FRYL: variants seen among roughly 807,000 people sequenced by gnomAD.
FRYL encodes FRY like transcription coactivator.
FRYL carries 150 observed loss-of-function variants against 351.2 expected under a neutral mutation model. The ratio of observed to expected loss-of-function variants is 0.43; its 90% confidence interval spans 0.37 to 0.49. The LOEUF (loss-of-function observed/expected upper bound fraction) is 0.49. Among genes scored for constraint, FRYL ranks in the 20% least tolerant of loss-of-function variants. The pLI, the probability that FRYL is intolerant of heterozygous loss-of-function variation, is 0.00. For missense variants in FRYL, 3,036 were observed against 3,619.3 expected (o/e 0.84, Z 4.13); for synonymous variants, 1,153 against 1,257.1 (o/e 0.92, Z 1.75).
At chr4:48,764,676 G>A (rs1490700482) in intron 1 of FRYL, among the ~76,000 whole-genome samples, 1 of 152,190 alleles carries the variant, frequency 6.6e-6, no homozygotes, top group Non-Finnish European at 1.5e-5. Flanking sequence ...AAGGGATAGA[G>A]CTGTATGTGA....
rs1718722141 is a variant in FRYL at position 48,497,656 on chromosome 4, G to GTATC, written c.*1762_*1765dup. ...AGTAAGATAGGATGTAAAGTGTGAT[G>GTATC]TATCTCTGGACACCATCCCTCTCTG... On this transcript the variant is annotated 3_prime_UTR_variant, in exon 64 of 64. Transcript: ENST00000358350. The GTATC allele has an allele frequency of 6.5e-6, 1 of 152,694 alleles. No homozygotes were observed. The highest frequency in any genetic ancestry group is 2.4e-5 in the African/African-American group (1 of 41,538). 9.5% of individuals were successfully genotyped at this position (152,694 alleles called of 1,614,324 possible).
chr4:48,598,944 C>T (rs944980938), intron 13 of FRYL: 32 of 619,828 alleles, frequency 5.2e-5, no homozygotes, highest in Non-Finnish European at 6.2e-5. Context: ...TGAAAATAAG[C>T]ACAAAACAAG....
At chr4:48,583,387 A>C (rs1403606025) in intron 19 of FRYL, among the ~76,000 whole-genome samples, 1 of 152,080 alleles carries the variant, frequency 6.6e-6, no homozygotes, top group African/African-American at 2.4e-5. Context: ...TCCTGACCTC[A>C]TGATCTGCCC....
At chr4:48,732,155 G>A (rs1273040958) in intron 1 of FRYL, among the ~76,000 whole-genome samples, 3 of 152,176 alleles carry the variant, frequency 2.0e-5, no homozygotes, top group African/African-American at 7.2e-5. Flanking sequence ...CACTTACGCA[G>A]CCAACAGACA....
intron 2 of FRYL, among the ~76,000 whole-genome samples, chr4:48,695,819 T>TA (rs1477731927): frequency 2.0e-5 from 3 of 152,050 alleles, no homozygotes; most frequent in Admixed American, 1.3e-4. Context: ...ACAAGGAACT[T>TA]AAACAAATTT....
At chr4:48,565,112 A>G in intron 29 of FRYL, 69 bp from the exon 30 acceptor site, 1 of 832,034 alleles carries the variant, frequency 1.2e-6, no homozygotes, top group Non-Finnish European at 1.9e-6. Context: ...CTTAATGAGA[A>G]GAGGCAAAAT....
intron 1 of FRYL, among the ~76,000 whole-genome samples, chr4:48,753,001 C>T (rs918860738): frequency 9.3e-5 from 14 of 151,146 alleles, no homozygotes; most frequent in African/African-American, 3.2e-4. Flanking sequence ...GTTGAGGGGT[C>T]GGGGGGAGTG....
At chr4:48,769,125 C>T (rs543962589) in intron 1 of FRYL, among the ~76,000 whole-genome samples, 72 of 152,164 alleles carry the variant, frequency 4.7e-4, no homozygotes, top group African/African-American at 1.6e-3. Context: ...CAGAATGAGA[C>T]CCTGTCTCAA....
At chr4:48,740,279 A>G (rs1269821589) in intron 1 of FRYL, among the ~76,000 whole-genome samples, 1 of 150,232 alleles carries the variant, frequency 6.7e-6, no homozygotes, top group Non-Finnish European at 1.5e-5. Flanking sequence ...AACAATAAGA[A>G]AACAATCTGA....
intron 13 of FRYL, among the ~76,000 whole-genome samples, chr4:48,596,933 T>C (rs1744709015): frequency 6.6e-6 from 1 of 152,052 alleles, no homozygotes; most frequent in Non-Finnish European, 1.5e-5. Context: ...TGAATTTACA[T>C]TTTAGATTTT....
At chr4:48,702,773 A>AAAAAAAAAAAAAAAAAAG (rs1553983293) in intron 2 of FRYL, among the ~76,000 whole-genome samples, 1 of 139,278 alleles carries the variant, frequency 7.2e-6, no homozygotes, top group Non-Finnish European at 1.5e-5. Flanking sequence ...AAAAAAAAAA[A>AAAAAAAAAAAAAAAAAAG]AAAGAAAAAG....
intron 23 of FRYL, 34 bp downstream of exon 23, chr4:48,578,939 A>G: frequency 1.3e-6 from 2 of 1,533,502 alleles, no homozygotes; most frequent in Middle Eastern, 1.8e-4. Context: ...GACAGTCTAT[A>G]CATTTTTAAA....
At chr4:48,597,917 T>C in intron 13 of FRYL, among the ~76,000 whole-genome samples, 1 of 152,222 alleles carries the variant, frequency 6.6e-6, no homozygotes, top group East Asian at 1.9e-4. Flanking sequence ...AAAATCATCC[T>C]AAATTTATCT....
chr4:48,578,162 C>A (rs1442721841), intron 23 of FRYL, among the ~76,000 whole-genome samples: 1 of 151,894 alleles, frequency 6.6e-6, no homozygotes, highest in Admixed American at 6.6e-5. Context: ...ATCAACCACA[C>A]TTAATGAACT....
rs371505381 is a variant in FRYL at position 48,582,592 on chromosome 4, G to T, written c.1891C>A (p.Pro631Thr). The T allele has an allele frequency of 1.2e-6, 2 of 1,613,786 alleles. No homozygotes were observed. Among genetic ancestry groups the T allele is most frequent in the Non-Finnish European group, 1.7e-6 (2 of 1,179,860 alleles). ...FIVREVTDVH[P>T]TLLDNAVKML... Reference sequence around the variant, plus strand: ...TTTACGGCATTATCAAGAAGTGTGGGATGGACATCAGTCACTTCACGAACA... The same window carrying T: ...TTTACGGCATTATCAAGAAGTGTGGTATGGACATCAGTCACTTCACGAACA... The change falls in exon 20 of 64, where the codon CCC becomes ACC. Residue 631 changes from proline (P) to threonine (T), a missense_variant. Around this residue, in one of 7 missense-constraint regions of FRYL, gnomAD observed 492 missense variants for 551.5 expected, o/e 0.89. Transcript: ENST00000358350.
chr4:48,709,512 G>A (rs1199666067), intron 2 of FRYL, among the ~76,000 whole-genome samples: 1 of 152,132 alleles, frequency 6.6e-6, no homozygotes, highest in Admixed American at 6.6e-5. Flanking sequence ...TGACAGTGGA[G>A]ATCTTATTCT....
At position 48,620,740 on chromosome 4, in the gene FRYL, G is replaced by A. The variant is rs1044063896; in HGVS notation, c.213C>T (p.Leu71=). 8.7e-6 allele frequency: 14 copies of A among 1,613,770 alleles called. No homozygotes were observed. Among genetic ancestry groups the A allele is most frequent in the Non-Finnish European group, 1.2e-5 (14 of 1,179,834 alleles). The change falls in exon 6 of 64, where the codon CTC becomes CTT. Residue 71 remains leucine, a synonymous_variant. Coordinates refer to ENST00000358350, the MANE Select transcript of FRYL (RefSeq NM_015030.2). ...CAAACAAGGTGCGAAGTAAGGAAGG[G>A]AGACAGTGCTCTGCTACTGAGCTCA... The part of the protein sequence containing the change: ...SSMSSVAEHC[L]PSLLRTLFDW...
At chr4:48,561,389 TA>T in intron 33 of FRYL, 78 bp downstream of exon 33, 2 of 965,340 alleles carry the variant, frequency 2.1e-6, no homozygotes, top group Non-Finnish European at 2.9e-6. Context: ...TGTAATTTAA[TA>T]AATTTATAAT....
intron 29 of FRYL, 30 bp downstream of exon 29, chr4:48,565,501 A>T (rs749002691): frequency 7.9e-6 from 12 of 1,511,786 alleles, no homozygotes; most frequent in South Asian, 1.3e-5. Context: ...TGCTCTTAAG[A>T]AAAAAGAAAT....
Sources: gnomAD v4.1 joint callset for allele counts (sites outside exome capture counted in the v4.1 genomes callset) on GRCh38, gnomAD v4.1.1 for gene constraint, gnomAD v4.1.1 regional missense constraint, MANE v1.5 for transcripts, NCBI Gene and HGNC (gene_info 2026-07-23, HGNC 2026-07-21) for gene names.